Variants in CETP observed in about 807,000 individuals in gnomAD.
CETP encodes BPI fold containing family F.
CETP carries 56 observed loss-of-function variants against 66.5 expected under a neutral mutation model. That is an observed-to-expected ratio of 0.84 (90% CI 0.68 to 1.05). CETP has a LOEUF of 1.05. Ranked by LOEUF, CETP falls within the 50% of genes least tolerant of loss-of-function variation. The pLI is 0.00. For synonymous variants in CETP, 251 were observed against 245.7 expected, an observed-to-expected ratio of 1.02 and a Z score of -0.20; for missense variants, 612 against 609.6, an observed-to-expected ratio of 1.00 and a Z score of -0.04.
Position 56,962,024 on chromosome 16 carries a change from C to G in CETP, c.45C>G (p.Ala15=). The change falls in exon 1 of 16, where the codon GCC becomes GCG. Residue 15 remains alanine, a synonymous_variant. Transcript: ENST00000200676. ...TVLTLALLGN[A]HACSKGTSHE... ...TGACCCTGGCCCTGCTGGGCAATGCCCATGCCTGCTCCAAAGGCACCTCGC... is the reference window on the plus strand; with the variant it reads ...TGACCCTGGCCCTGCTGGGCAATGCGCATGCCTGCTCCAAAGGCACCTCGC... 3.7e-6 allele frequency: 6 copies of G among 1,614,130 alleles called. No individual in the cohort carries two copies. Among genetic ancestry groups the G allele is most frequent in the Non-Finnish European group, 5.1e-6 (6 of 1,180,024 alleles).
intron 4 of CETP, 39 bp from the exon 5 acceptor site, chr16:56,969,875 G>C (rs1171720381): frequency 6.2e-7 from 1 of 1,602,768 alleles, no homozygotes; most frequent in Non-Finnish European, 8.5e-7. Flanking sequence ...CCATCTGATA[G>C]CGGAGGCTGC....
chr16:56,983,302 C>G (rs2056201406), intron 14 of CETP, 24 bp from the exon 15 acceptor site: 1 of 1,610,596 alleles, frequency 6.2e-7, no homozygotes, highest in South Asian at 1.1e-5. Context: ...GAAGGGCTGA[C>G]TGGGGCTCTG....
intron 1 of CETP, 46 bp from the exon 2 acceptor site, chr16:56,962,964 G>A (rs147820166): frequency 6.5e-7 from 1 of 1,546,960 alleles, no homozygotes; most frequent in Non-Finnish European, 8.9e-7. Flanking sequence ...GGAGCAGGGG[G>A]CTTGGTGTGG....
chr16:56,974,122 C>G (rs1236385954), intron 9 of CETP, among the ~76,000 whole-genome samples: 1 of 152,144 alleles, frequency 6.6e-6, no homozygotes, highest in Non-Finnish European at 1.5e-5. Flanking sequence ...GTTGGGCTAC[C>G]TGCCTTTAGT....
At chr16:56,982,432 C>G (rs2056195623) in intron 14 of CETP, among the ~76,000 whole-genome samples, 195 bp downstream of exon 14, 1 of 152,172 alleles carries the variant, frequency 6.6e-6, no homozygotes, top group Non-Finnish European at 1.5e-5. Flanking sequence ...GACCCCTGTT[C>G]TTGGTTTACC....
At chr16:56,975,024 C>T (rs1461677301) in intron 9 of CETP, 77 bp from the exon 10 acceptor site, 5 of 1,331,558 alleles carry the variant, frequency 3.8e-6, no homozygotes, top group Non-Finnish European at 5.4e-6. Context: ...TTGAAACTGC[C>T]CTTGGTCCCT....
intron 7 of CETP, 53 bp downstream of exon 7, chr16:56,971,434 G>A: frequency 2.0e-6 from 3 of 1,496,868 alleles, no homozygotes; most frequent in Non-Finnish European, 2.8e-6. Flanking sequence ...GAGCCAGAAA[G>A]CCACCTGCTG....
At chr16:56,974,542 T>C (rs2056136072) in intron 9 of CETP, among the ~76,000 whole-genome samples, 1 of 152,226 alleles carries the variant, frequency 6.6e-6, no homozygotes. Context: ...TAGATTTAGG[T>C]ATAGATATAA....
At chr16:56,963,734 A>G (rs537141468) in intron 2 of CETP, among the ~76,000 whole-genome samples, 16 of 152,224 alleles carry the variant, frequency 1.1e-4, no homozygotes, top group African/African-American at 3.6e-4. Context: ...CAGTGGCACA[A>G]TCTCAGCTCG....
chr16:56,978,067 C>A, intron 10 of CETP, 24 bp from the exon 11 acceptor site: 1 of 1,612,856 alleles, frequency 6.2e-7, no homozygotes, highest in East Asian at 2.2e-5. Flanking sequence ...CCTGTCCTGG[C>A]CATGGGACCC....
At chr16:56,973,615 G>A in intron 9 of CETP, 105 bp downstream of exon 9, 1 of 1,323,232 alleles carries the variant, frequency 7.6e-7, no homozygotes, top group Non-Finnish European at 1.1e-6. Flanking sequence ...CTTGGTGGTG[G>A]GCAAAAGAAC....
intron 5 of CETP, 99 bp from the exon 6 acceptor site, chr16:56,970,934 C>A: frequency 1.8e-6 from 2 of 1,109,992 alleles, no homozygotes; most frequent in Non-Finnish European, 2.8e-6. Context: ...CTACAAGAGT[C>A]AGGGCCAACA....
chr16:56,974,378 G>A (rs1284825159), intron 9 of CETP, among the ~76,000 whole-genome samples: 1 of 152,232 alleles, frequency 6.6e-6, no homozygotes, highest in East Asian at 1.9e-4. Context: ...GAGCCCAAGA[G>A]GTTGAGGCTG....
chr16:56,971,203 C>T (rs1762902431), intron 6 of CETP, 101 bp downstream of exon 6: 2 of 1,503,414 alleles, frequency 1.3e-6, no homozygotes, highest in African/African-American at 1.4e-5. Context: ...CTCCCACCTT[C>T]TCCATGTGGC....
At chr16:56,980,694 T>C (rs189327489) in intron 11 of CETP, among the ~76,000 whole-genome samples, 2,851 of 152,154 alleles carry the variant, frequency 0.019, 98 homozygotes, top group African/African-American at 0.065. Context: ...GAGGCTGAGG[T>C]GGGTGGATCA....
intron 10 of CETP, among the ~76,000 whole-genome samples, chr16:56,975,429 GC>G (rs2056142822): frequency 6.6e-6 from 1 of 152,166 alleles, no homozygotes; most frequent in Non-Finnish European, 1.5e-5. Context: ...CAGCTCTATT[GC>G]CCCCAAAGAT....
chr16:56,977,646 CT>C (rs1226942604), intron 10 of CETP, among the ~76,000 whole-genome samples: 5 of 152,332 alleles, frequency 3.3e-5, no homozygotes, highest in Non-Finnish European at 7.3e-5. Flanking sequence ...CTCCTGCGCT[CT>C]CTGCTCTATC....
At chr16:56,975,308 A>AGT (rs1222689028) in intron 10 of CETP, among the ~76,000 whole-genome samples, 157 bp downstream of exon 10, 2 of 152,178 alleles carry the variant, frequency 1.3e-5, no homozygotes, top group African/African-American at 4.8e-5. Context: ...TGAAGCACTT[A>AGT]GTGTGTGTGA....
intron 9 of CETP, 150 bp from the exon 10 acceptor site, chr16:56,974,951 G>A: frequency 1.4e-6 from 1 of 714,012 alleles, no homozygotes; most frequent in East Asian, 2.7e-5. Flanking sequence ...TCCACACCCT[G>A]CCCAGAGCAT....
Sources: gnomAD v4.1 joint callset for allele counts (sites outside exome capture counted in the v4.1 genomes callset) on GRCh38, gnomAD v4.1.1 for gene constraint, MANE v1.5 for transcripts, NCBI Gene and HGNC (gene_info 2026-07-23, HGNC 2026-07-21) for gene names.